HERC1: variants seen among roughly 807,000 people sequenced by gnomAD.
HERC1 encodes the protein HECT and RLD domain containing E3 ubiquitin protein ligase family member 1, also known as probable E3 ubiquitin-protein ligase HERC1.
A neutral mutation model predicts 554.3 loss-of-function variants in HERC1; 160 were observed. The ratio of observed to expected loss-of-function variants is 0.29; its 90% CI spans 0.25 to 0.33. The LOEUF (loss-of-function observed/expected upper bound fraction) is 0.33, where lower values mean the gene tolerates loss of function less well. Among genes scored for constraint, HERC1 ranks in the 10% least tolerant of loss-of-function variants. The pLI is 1.00. For missense variants in HERC1, 4,919 were observed against 5,918.5 expected (o/e 0.83, Z 5.54); for synonymous variants, 2,175 against 2,131.7 (o/e 1.02, Z -0.56).
intron 34 of HERC1, among the ~76,000 whole-genome samples, chr15:63,684,995 C>G (rs180714793): frequency 8.4e-4 from 128 of 152,278 alleles, no homozygotes; most frequent in Non-Finnish European, 1.5e-3. Flanking sequence ...GGTGACAGAG[C>G]AAGACTCCGT....
chr15:63,637,981 G>A (rs977346374), intron 63 of HERC1, among the ~76,000 whole-genome samples: 4 of 152,166 alleles, frequency 2.6e-5, no homozygotes, highest in Non-Finnish European at 5.9e-5. Flanking sequence ...ATCTGGACTA[G>A]CTGAGGTAAA....
At position 63,664,542 on chromosome 15, in the gene HERC1, C is replaced by CTGA; in HGVS notation, c.8605_8607dup (p.Ser2869dup). 1 of 1,613,800 alleles carries CTGA rather than the reference C, an allele frequency of 6.2e-7. No homozygotes were observed. The highest frequency in any genetic ancestry group is 2.2e-5 in the East Asian group (1 of 44,874). ...CTTGTTACCGCTGAGCGACCTCTAG[C>CTGA]TGATGGTCCACTTCCAGAAGCTGCA... On this transcript the variant is annotated inframe_insertion, in exon 43 of 78. Transcript: ENST00000443617.
At chr15:63,652,350 C>A in intron 52 of HERC1, 64 bp downstream of exon 52, 3 of 1,479,220 alleles carry the variant, frequency 2.0e-6, no homozygotes, top group South Asian at 1.4e-5. Flanking sequence ...ATTAACACAA[C>A]CAAGATGAGG....
chr15:63,659,655 TTTA>T (rs1384849787), intron 47 of HERC1, 78 bp downstream of exon 47: 75 of 947,480 alleles, frequency 7.9e-5, no homozygotes, highest in Non-Finnish European at 1.0e-4. Context: ...TTACTTTTAC[TTTA>T]TTATTATTAT....
At chr15:63,700,035 A>C (rs1329222711) in intron 25 of HERC1, among the ~76,000 whole-genome samples, 1 of 152,074 alleles carries the variant, frequency 6.6e-6, no homozygotes, top group African/African-American at 2.4e-5. Flanking sequence ...ACTTCTATCT[A>C]TTTGCTCCTC....
At chr15:63,791,776 A>AT (rs531842422) in intron 1 of HERC1, among the ~76,000 whole-genome samples, 2 of 152,222 alleles carry the variant, frequency 1.3e-5, no homozygotes, top group East Asian at 3.9e-4. Flanking sequence ...TTTAGAATGA[A>AT]TTTTTTCCTT....
Position 63,669,704 on chromosome 15 carries a change from A to T in HERC1, c.8046-6T>A. The T allele has an allele frequency of 6.2e-7, 1 of 1,611,994 alleles. No homozygotes were observed. The highest frequency in any genetic ancestry group is 8.5e-7 in the Non-Finnish European group (1 of 1,178,310). ...GGTAACTAGAGAACATTTGCCTTTAAGAAAATAACAGTGGTTAGCATAAAA... is the reference window on the plus strand; with the variant it reads ...GGTAACTAGAGAACATTTGCCTTTATGAAAATAACAGTGGTTAGCATAAAA... On this transcript the variant is annotated splice_polypyrimidine_tract_variant and splice_region_variant and intron_variant, in intron 39 of 77. Transcript: ENST00000443617.
chr15:63,615,899 C>G lies in HERC1; in HGVS notation c.13963G>C (p.Val4655Leu). ...ATTTTGCCATCAGCACTCTGGCCAA[C>G]AAAAGAATCAAGAGGAATCATCTAG... Reference protein sequence around the residue: ...FHEMIPLDSFVGQSADGKMVP... With the variant: ...FHEMIPLDSFLGQSADGKMVP... Residue 4655 changes from valine (V) to leucine (L), a missense_variant, in exon 76 of 78, where the codon GTT (valine) becomes CTT (leucine). Val to Leu is a conservative substitution (Grantham distance 32). This residue lies in a region of HERC1 where 284 missense variants were observed against 294.1 expected (regional missense o/e 0.97). Transcript: ENST00000443617. The G allele has an allele frequency of 1.9e-6, 3 of 1,593,926 alleles. No individual in the cohort carries two copies. Among genetic ancestry groups the G allele is most frequent in the Non-Finnish European group, 2.6e-6 (3 of 1,172,308 alleles).
Position 63,661,376 on chromosome 15 carries a change from G to A in HERC1, c.9171-351C>T, listed in dbSNP as rs59809979. 9.2e-3 allele frequency among the ~76,000 whole-genome samples: 1,399 copies of A among 152,248 alleles called. 20 individuals are homozygous for A. Among genetic ancestry groups the A allele is most frequent in the African/African-American group, 0.032 (1,335 of 41,544 alleles). On this transcript the variant is annotated intron_variant, in intron 45 of 77. Coordinates refer to ENST00000443617, the MANE Select transcript of HERC1 (RefSeq NM_003922.4). Reference sequence around the variant, plus strand: ...GGATGTAAAGAGATAATATTTTTATGGAACTCGTTTAATCAAAAGTCTGTT... The same window carrying A: ...GGATGTAAAGAGATAATATTTTTATAGAACTCGTTTAATCAAAAGTCTGTT...
chr15:63,679,404 A>G, intron 36 of HERC1, among the ~76,000 whole-genome samples: 1 of 152,202 alleles, frequency 6.6e-6, no homozygotes, highest in African/African-American at 2.4e-5. Context: ...CAGGTCCAGC[A>G]ATTTCATTAT....
chr15:63,702,541 G>A (rs1437360822), intron 25 of HERC1, among the ~76,000 whole-genome samples: 1 of 152,082 alleles, frequency 6.6e-6, no homozygotes, highest in Non-Finnish European at 1.5e-5. Flanking sequence ...TCAAGTATCT[G>A]CAAAAACGTA....
intron 3 of HERC1, among the ~76,000 whole-genome samples, chr15:63,760,361 A>G (rs1044884186): frequency 6.8e-6 from 1 of 147,436 alleles, no homozygotes; most frequent in African/African-American, 2.5e-5. Context: ...CAAATCCCAT[A>G]TGAAGTTATT....
chr15:63,750,554 GC>G (rs779506125), intron 8 of HERC1, among the ~76,000 whole-genome samples: 4 of 152,060 alleles, frequency 2.6e-5, no homozygotes, highest in Non-Finnish European at 5.9e-5. Flanking sequence ...TTATCTTCAT[GC>G]CATCAAATTT....
intron 25 of HERC1, among the ~76,000 whole-genome samples, chr15:63,700,628 T>C (rs996830479): frequency 2.1e-5 from 3 of 146,102 alleles, no homozygotes; most frequent in African/African-American, 7.5e-5. Context: ...TTCTGTGTTT[T>C]AGAAAGAATT....
rs531876191 is a variant in HERC1 at position 63,660,849 on chromosome 15, T to A, written c.9223+124A>T. On this transcript the variant is annotated intron_variant, in intron 46 of 77. Transcript: ENST00000443617. The stretch of plus-strand genomic sequence containing the variant: ...TTCCCTTGAGTTTTTAAGGGAAAAT[T>A]TAAGTTAACATGTACACAAATACAA... 196 of 568,398 alleles carry A rather than the reference T, an allele frequency of 3.4e-4. 1 individual carries two copies. The African/African-American group carries it at 3.5e-3, about 10-fold the overall frequency. 35.2% of individuals were successfully genotyped at this position (568,398 alleles called of 1,614,324 possible).
At chr15:63,666,564 C>T (rs2070653358) in intron 40 of HERC1, 92 bp from the exon 41 acceptor site, 2 of 749,534 alleles carry the variant, frequency 2.7e-6, no homozygotes, top group Non-Finnish European at 2.2e-6. Flanking sequence ...CTAGTATTGT[C>T]CAAGTTTAAT....
At chr15:63,771,209 A>C (rs1214293826) in intron 2 of HERC1, among the ~76,000 whole-genome samples, 1 of 152,002 alleles carries the variant, frequency 6.6e-6, no homozygotes, top group East Asian at 1.9e-4. Context: ...AGAAAAGAAA[A>C]GAAACACGGG....
In HERC1 at chr15:63,702,266, C is replaced by T. The variant is rs564888102; in HGVS notation, c.4637-3270G>A. On this transcript the variant is annotated intron_variant, in intron 25 of 77. Coordinates refer to ENST00000443617, the MANE Select transcript of HERC1 (RefSeq NM_003922.4). ...GATACAGGAGAGAAACATTTACATT[C>T]GCTTTTCTTTATATCATCTAATTTG... Among the ~76,000 whole-genome samples the T allele has an allele frequency of 5.3e-5, 8 of 152,180 alleles. No individual in the cohort carries two copies. The East Asian group carries it at 7.7e-4, about 15-fold the overall frequency.
intron 1 of HERC1, among the ~76,000 whole-genome samples, chr15:63,805,947 CA>C (rs11307698): frequency 0.96 from 138,916 of 144,180 alleles, 66,913 homozygotes; most frequent in Non-Finnish European, 0.98. Flanking sequence ...TATCTCAAAA[CA>C]AAAAAAAAAA....
Sources: allele counts gnomAD v4.1 joint callset (sites outside exome capture counted in the v4.1 genomes callset), GRCh38; gene constraint gnomAD v4.1.1; regional missense constraint gnomAD v4.1.1; transcripts MANE v1.5; gene names NCBI Gene and HGNC (gene_info 2026-07-23, HGNC 2026-07-21).